The following DOK3 variants were observed in gnomAD, a reference collection of about 807,000 sequenced individuals.
DOK3 encodes the protein Dok-like protein.
In DOK3, 23 loss-of-function variants were observed where a neutral mutation model predicts 26.2. The observed-to-expected ratio is 0.88, with a 90% confidence interval of 0.63 to 1.24. The LOEUF (loss-of-function observed/expected upper bound fraction) is 1.24, where lower values mean the gene tolerates loss of function less well. Among genes scored for constraint, DOK3 ranks in the 50% most tolerant of loss-of-function variants. The pLI, the probability that DOK3 is intolerant of heterozygous loss-of-function variation, is 0.00. For missense variants in DOK3, 619 were observed against 610.6 expected, an observed-to-expected ratio of 1.01 and a Z score of -0.15; for synonymous variants, 268 against 268.2, an observed-to-expected ratio of 1.00 and a Z score of 0.01.
chr5:177,505,413 G>T (rs62398466), intron 3 of DOK3, among the ~76,000 whole-genome samples: 1 of 152,174 alleles, frequency 6.6e-6, no homozygotes, highest in South Asian at 2.1e-4. Flanking sequence ...GCCAGCTTCT[G>T]TATGTCTGAC....
At chr5:177,508,954 TAAGG>T (rs1256899149) in intron 2 of DOK3, 1 of 216,998 alleles carries the variant, frequency 4.6e-6, no homozygotes, top group Non-Finnish European at 9.1e-6. Flanking sequence ...CTCAAGCTGT[TAAGG>T]AAGGAAACAT....
intron 3 of DOK3, among the ~76,000 whole-genome samples, chr5:177,505,789 T>G (rs191736779): frequency 3.3e-5 from 5 of 151,628 alleles, no homozygotes; most frequent in African/African-American, 9.7e-5. Flanking sequence ...CAGGCTGGAG[T>G]GCAGTGGCGC....
At chr5:177,505,951 G>T (rs1021826715) in intron 3 of DOK3, among the ~76,000 whole-genome samples, 2 of 150,986 alleles carry the variant, frequency 1.3e-5, no homozygotes, top group African/African-American at 4.9e-5. Flanking sequence ...TGTTAGCCAG[G>T]ATGATCTCGA....
In DOK3 at chr5:177,508,403, C is replaced by T. The variant is rs771374795; in HGVS notation, c.206G>A (p.Arg69Gln). Reference sequence around the variant, plus strand: ...ACAGTCAGCCAGGCGGATGACCCGTCGCTCCCCTCGCCGGCCAGGCCCTGC... The same window carrying T: ...ACAGTCAGCCAGGCGGATGACCCGTTGCTCCCCTCGCCGGCCAGGCCCTGC... ...RSAGPGRRGERRVIRLADCVS... is the reference protein window; with the variant it reads ...RSAGPGRRGEQRVIRLADCVS... The change falls in exon 3 of 6, where the codon CGA (arginine) becomes CAA (glutamine). Residue 69 changes from arginine to glutamine, a missense_variant. By Grantham distance (43) the Arg-to-Gln change is conservative. Transcript: ENST00000510898. The T allele has an allele frequency of 1.1e-5, 18 of 1,602,804 alleles. No homozygotes were observed. Among genetic ancestry groups the T allele is most frequent in the Middle Eastern group, 1.7e-4 (1 of 6,018 alleles).
Position 177,502,155 on chromosome 5 carries a change from T to C in DOK3, c.*1828A>G, listed in dbSNP as rs747066693. ...GAGTGCTGCTGAGAAGTCAAAGTCC[T>C]TGTTGCTTTTGTTTTGGAGAATAAG... On this transcript the variant is annotated 3_prime_UTR_variant, in exon 6 of 6. Transcript: ENST00000510898. 6.6e-5 allele frequency: 10 copies of C among 152,208 alleles called. No homozygotes were observed. Among genetic ancestry groups the C allele is most frequent in the Non-Finnish European group, 1.0e-4 (7 of 68,044 alleles). 9.4% of individuals were successfully genotyped at this position (152,208 alleles called of 1,614,324 possible). A position where few individuals can be genotyped will look rare whatever the true frequency, so the allele number is the denominator to read the frequency against.
rs73804363 is a variant in DOK3 at position 177,507,861 on chromosome 5, C to T, written c.372+376G>A. On this transcript the variant is annotated intron_variant, in intron 3 of 5. Transcript: ENST00000510898. ...TCCTGCACTCCTTTCCTTCCAGCCA[C>T]GTCGCCTTCTTTCTGCCCTTAAACA... Among the ~76,000 whole-genome samples, 1,240 of 152,324 alleles carry T rather than the reference C, an allele frequency of 8.1e-3. 23 individuals carry two copies. Among genetic ancestry groups the T allele is most frequent in the African/African-American group, 0.028 (1,182 of 41,568 alleles).
chr5:177,508,086 C>T (rs548902891), intron 3 of DOK3, 151 bp downstream of exon 3: 80 of 1,051,470 alleles, frequency 7.6e-5, no homozygotes, highest in South Asian at 2.1e-4. Context: ...CTCCATGGCA[C>T]GCACGGCCCT....
Position 177,503,875 on chromosome 5 carries a change from A to T in DOK3, c.*108T>A, listed in dbSNP as rs1561714981. On this transcript the variant is annotated 3_prime_UTR_variant, in exon 6 of 6. Coordinates refer to ENST00000510898, the MANE Select transcript of DOK3 (RefSeq NM_001308236.3). The stretch of plus-strand genomic sequence containing the variant: ...GCGGCCTGCCTTGTTCCTGCAGGCC[A>T]GGGTGGACACAGGCGTGTGTCTGCA... 4.2e-6 allele frequency: 6 copies of T among 1,440,510 alleles called. No homozygotes were observed. In the East Asian group the frequency reaches 1.5e-4, roughly 36 times the overall value. 89.2% of individuals were successfully genotyped at this position (1,440,510 alleles called of 1,614,324 possible). A position where few individuals can be genotyped will look rare whatever the true frequency, so the allele number is the denominator to read the frequency against.
At chr5:177,505,399 C>T (rs1296485318) in intron 3 of DOK3, among the ~76,000 whole-genome samples, 1 of 152,162 alleles carries the variant, frequency 6.6e-6, no homozygotes, top group Non-Finnish European at 1.5e-5. Context: ...CTGGGCTTGG[C>T]TGGGCCAGCT....
rs1427633289 is a variant in DOK3 at position 177,509,776 on chromosome 5, C to T, written c.-136G>A. On this transcript the variant is annotated 5_prime_UTR_variant, in exon 1 of 6. Transcript: ENST00000510898. Reference sequence around the variant, plus strand: ...CACCTACCTGGAGGGAGCCCCCGGCCACCTGAAGGCAGCCTTCTCACGCAC... The same window carrying T: ...CACCTACCTGGAGGGAGCCCCCGGCTACCTGAAGGCAGCCTTCTCACGCAC... The T allele has an allele frequency of 6.2e-6, 10 of 1,612,360 alleles. No homozygotes were observed. The highest frequency in any genetic ancestry group is 7.6e-6 in the Non-Finnish European group (9 of 1,179,962).
Position 177,504,315 on chromosome 5 carries a change from G to A in DOK3, c.991C>T (p.Arg331Cys), listed in dbSNP as rs775452189. ...TCATTGCCTGGGGGCCCACTGGCAC[G>A]CTTGCACACTGAAGCGTAGAGCCCG... ...ASGLYASVCKRASGPPGNEHL... is the reference protein window; with the variant it reads ...ASGLYASVCKCASGPPGNEHL... Residue 331 changes from arginine (R) to cysteine (C), a missense_variant, in exon 6 of 6, where the codon CGT (arginine) becomes TGT (cysteine). Physicochemically the swap from Arg to Cys is radical, Grantham distance 180. Transcript: ENST00000510898. 21 of 1,603,728 alleles carry A rather than the reference G, an allele frequency of 1.3e-5. No homozygotes were observed. Among genetic ancestry groups the A allele is most frequent in the African/African-American group, 2.7e-5 (2 of 74,768 alleles).
Position 177,503,329 on chromosome 5 carries a change from A to G in DOK3, c.*654T>C, listed in dbSNP as rs1759553790. 6.4e-7 allele frequency: 1 copy of G among 1,551,532 alleles called. No homozygotes were observed. The highest frequency in any genetic ancestry group is 2.4e-5 in the East Asian group (1 of 40,918). ...AAACTCTCATCAAGGATTATGCCTG[A>G]TACGTCATCGGTTCTCTCTCCTTTA... is the stretch of plus-strand genomic sequence containing the variant. On this transcript the variant is annotated 3_prime_UTR_variant, in exon 6 of 6. Transcript: ENST00000510898.
At position 177,509,775 on chromosome 5, in the gene DOK3, C is replaced by T. The variant is rs762508048; in HGVS notation, c.-135G>A. 6.2e-7 allele frequency: 1 copy of T among 1,612,376 alleles called. No individual in the cohort carries two copies. The highest frequency in any genetic ancestry group is 1.7e-5 in the Admixed American group (1 of 60,014). On this transcript the variant is annotated 5_prime_UTR_variant, in exon 1 of 6. Coordinates refer to ENST00000510898, the MANE Select transcript of DOK3 (RefSeq NM_001308236.3). ...ACACCTACCTGGAGGGAGCCCCCGG[C>T]CACCTGAAGGCAGCCTTCTCACGCA...
At chr5:177,506,675 TTTTTC>T (rs1333669193) in intron 3 of DOK3, among the ~76,000 whole-genome samples, 3 of 137,776 alleles carry the variant, frequency 2.2e-5, no homozygotes, top group African/African-American at 5.4e-5. Context: ...AGTGCTCTTT[TTTTTC>T]TTTTCTTTTT....
Position 177,504,837 on chromosome 5 carries a change from A to G in DOK3, c.551T>C (p.Leu184Pro). ...CQLKGPALLV[L>P]GPDAIQLREA... The stretch of plus-strand genomic sequence containing the variant: ...CCTCAGCTGGATGGCGTCTGGGCCC[A>G]GCACCAGCAGGGCCGGCCCCTTCAG... The change falls in exon 5 of 6, where the codon CTG (leucine) becomes CCG (proline). Residue 184 changes from leucine (L) to proline (P), a missense_variant. Physicochemically the swap from Leu to Pro is moderately conservative, Grantham distance 98. Coordinates refer to ENST00000510898, the MANE Select transcript of DOK3 (RefSeq NM_001308236.3). 1 of 1,613,328 alleles carries G rather than the reference A, an allele frequency of 6.2e-7. No individual in the cohort carries two copies. Among genetic ancestry groups the G allele is most frequent in the Non-Finnish European group, 8.5e-7 (1 of 1,179,628 alleles).
rs1003542386 is a variant in DOK3, at chr5:177,502,369, A to C, written c.*1614T>G. 6 of 152,378 alleles carry C rather than the reference A, an allele frequency of 3.9e-5. No homozygotes were observed. Among genetic ancestry groups the C allele is most frequent in the African/African-American group, 1.4e-4 (6 of 41,470 alleles). 9.4% of individuals were successfully genotyped at this position (152,378 alleles called of 1,614,324 possible). ...ATGTGAGGTCAAGGGAAGGTTTAAA[A>C]TGTGAAATTACAGAGCATGTTTGCG... is the stretch of plus-strand genomic sequence containing the variant. On this transcript the variant is annotated 3_prime_UTR_variant, in exon 6 of 6. Transcript: ENST00000510898.
At chr5:177,509,707 A>G in intron 1 of DOK3, 50 bp from the exon 2 acceptor site, 1 of 1,607,782 alleles carries the variant, frequency 6.2e-7, no homozygotes, top group South Asian at 1.1e-5. Flanking sequence ...GGCTGGGGGC[A>G]GCATGTATTT....
In DOK3 at chr5:177,509,786, C is replaced by G. The variant is rs761003353; in HGVS notation, c.-146G>C. 3.7e-6 allele frequency: 6 copies of G among 1,612,032 alleles called. No individual in the cohort carries two copies. Among genetic ancestry groups the G allele is most frequent in the Non-Finnish European group, 5.1e-6 (6 of 1,179,968 alleles). Reference sequence around the variant, plus strand: ...GAGGGAGCCCCCGGCCACCTGAAGGCAGCCTTCTCACGCACCTGGTTCAGC... The same window carrying G: ...GAGGGAGCCCCCGGCCACCTGAAGGGAGCCTTCTCACGCACCTGGTTCAGC... On this transcript the variant is annotated 5_prime_UTR_variant, in exon 1 of 6. Transcript: ENST00000510898.
At chr5:177,509,267 G>A (rs552835099) in intron 2 of DOK3, 6 of 557,922 alleles carry the variant, frequency 1.1e-5, no homozygotes, top group African/African-American at 3.9e-5. Context: ...TCTCCCGGAG[G>A]CAGGGTCTGG....
Sources: allele counts gnomAD v4.1 joint callset (sites outside exome capture counted in the v4.1 genomes callset), GRCh38; gene constraint gnomAD v4.1.1; transcripts MANE v1.5; gene names NCBI Gene and HGNC (gene_info 2026-07-23, HGNC 2026-07-21).